PIGU: variants seen among roughly 807,000 people sequenced by gnomAD.
PIGU encodes GPI-anchor transamidase component PIGU.
Under a neutral mutation model 49.9 loss-of-function variants are expected in PIGU, and 24 were observed. The observed-to-expected ratio is 0.48, with a 90% CI of 0.35 to 0.68. The LOEUF (loss-of-function observed/expected upper bound fraction) is 0.68. Among genes scored for constraint, PIGU ranks in the 30% least tolerant of loss-of-function variants. The pLI is 0.01. For missense variants in PIGU, 490 were observed against 532.6 expected (o/e 0.92, Z 0.79); for synonymous variants, 220 against 205.7 (o/e 1.07, Z -0.59).
intron 9 of PIGU, among the ~76,000 whole-genome samples, chr20:34,582,885 G>A (rs6087602): frequency 0.83 from 126,482 of 151,886 alleles, 52,931 homozygotes; most frequent in Admixed American, 0.91. Context: ...GCTCAATCTC[G>A]GTGCCCCTCC....
chr20:34,574,965 G>A (rs2146699392), intron 11 of PIGU, 139 bp downstream of exon 11: 1 of 1,148,694 alleles, frequency 8.7e-7, no homozygotes. Context: ...CTCACTGACT[G>A]GGAGCTACTT....
At chr20:34,652,526 T>C (rs1986573467) in intron 2 of PIGU, among the ~76,000 whole-genome samples, 1 of 152,222 alleles carries the variant, frequency 6.6e-6, no homozygotes, top group South Asian at 2.1e-4. Context: ...ATTTTATCTT[T>C]TCCTAGTTTC....
In PIGU at chr20:34,657,240, A is replaced by G; in HGVS notation, c.135T>C (p.Val45=). 6.2e-7 allele frequency: 1 copy of G among 1,611,704 alleles called. No individual in the cohort carries two copies. Among genetic ancestry groups the G allele is most frequent in the Non-Finnish European group, 8.5e-7 (1 of 1,177,836 alleles). Residue 45 remains valine (V), a synonymous_variant, in exon 2 of 12, where the codon GTT becomes GTC. Coordinates refer to ENST00000217446, the MANE Select transcript of PIGU (RefSeq NM_080476.5). ...CCAAGTCCAACAGTGAAAGGCCTTC[A>G]ACCACTGAAAAATTAGATATACAAG... is the stretch of plus-strand genomic sequence containing the variant. ...VSPLSSWKRV[V]EGLSLLDLGV...
chr20:34,573,229 A>C (rs1477806852), intron 11 of PIGU, among the ~76,000 whole-genome samples: 4 of 152,152 alleles, frequency 2.6e-5, no homozygotes, highest in Non-Finnish European at 5.9e-5. Flanking sequence ...GATTTAAAAT[A>C]CATTTTAAAA....
In PIGU at chr20:34,638,129, G is replaced by A. The variant is rs753594998; in HGVS notation, c.319-144C>T. On this transcript the variant is annotated intron_variant, in intron 4 of 11. Transcript: ENST00000217446. ...ACCTCTCCAGGCTCATCTCACACTCGGCCCTCCCCATCCCCTTTCTGGGTT... is the reference window on the plus strand; with the variant it reads ...ACCTCTCCAGGCTCATCTCACACTCAGCCCTCCCCATCCCCTTTCTGGGTT... The A allele has an allele frequency of 1.6e-5, 22 of 1,336,028 alleles. No homozygotes were observed. The Admixed American group carries it at 4.8e-4, about 29-fold the overall frequency. 82.8% of individuals were successfully genotyped at this position (1,336,028 alleles called of 1,614,324 possible).
Position 34,645,304 on chromosome 20 carries a change from G to T in PIGU, c.226C>A (p.Leu76Ile). 1 of 1,577,514 alleles carries T rather than the reference G, an allele frequency of 6.3e-7. No homozygotes were observed. Among genetic ancestry groups the T allele is most frequent in the East Asian group, 2.3e-5 (1 of 43,432 alleles). ...AACACCAATTCAGCATAGTCAATTAGGAAATGAAAGAGGTATATTATTAAT... is the reference window on the plus strand; with the variant it reads ...AACACCAATTCAGCATAGTCAATTATGAAATGAAAGAGGTATATTATTAAT... ...TPLIIYLFHF[L>I]IDYAELVFMI... Residue 76 changes from leucine to isoleucine, a missense_variant, in exon 3 of 12, where the codon CTA becomes ATA. Transcript: ENST00000217446.
At chr20:34,647,096 G>A (rs1395497374) in intron 2 of PIGU, among the ~76,000 whole-genome samples, 6 of 152,124 alleles carry the variant, frequency 3.9e-5, no homozygotes, top group Non-Finnish European at 7.4e-5. Flanking sequence ...TCCGCCTCCC[G>A]GGTTCAAGCG....
intron 6 of PIGU, among the ~76,000 whole-genome samples, chr20:34,619,118 G>A (rs1985114267): frequency 1.3e-5 from 2 of 152,354 alleles, no homozygotes; most frequent in South Asian, 2.1e-4. Context: ...CAGAGAAAGA[G>A]AGAAGCTAGA....
intron 1 of PIGU, among the ~76,000 whole-genome samples, chr20:34,660,295 A>G (rs1013807567): frequency 3.9e-5 from 6 of 152,158 alleles, no homozygotes; most frequent in Admixed American, 1.3e-4. Flanking sequence ...AAGGGGAAAA[A>G]TAAAATTTTA....
At chr20:34,645,917 T>A (rs941204865) in intron 2 of PIGU, among the ~76,000 whole-genome samples, 1 of 151,530 alleles carries the variant, frequency 6.6e-6, no homozygotes, top group Non-Finnish European at 1.5e-5. Flanking sequence ...AATAAATAAA[T>A]AAAAAATATA....
chr20:34,586,273 T>C (rs1441580138), intron 8 of PIGU, among the ~76,000 whole-genome samples: 2 of 152,136 alleles, frequency 1.3e-5, no homozygotes, highest in Non-Finnish European at 2.9e-5. Flanking sequence ...GGACAACAAA[T>C]AGGGCACGCA....
intron 1 of PIGU, 75 bp from the exon 2 acceptor site, chr20:34,657,319 C>A: frequency 9.5e-7 from 1 of 1,054,928 alleles, no homozygotes; most frequent in Admixed American, 1.9e-5. Flanking sequence ...ACCCCCACAA[C>A]CAAAAAGGGC....
rs1202444162 is a variant in PIGU, at chr20:34,656,314, G to A, written c.195+866C>T. On this transcript the variant is annotated intron_variant, in intron 2 of 11. Transcript: ENST00000217446. ...TTTTTTTTTTTTGAGACGGAGTCTC[G>A]CTCTGTCACCCAGGCTGGAGTGCAG... Among the ~76,000 whole-genome samples, 5 of 84,236 alleles carry A rather than the reference G, an allele frequency of 5.9e-5. No individual in the cohort carries two copies. The South Asian group carries it at 1.3e-3, about 22-fold the overall frequency. 55.3% of individuals were successfully genotyped at this position (84,236 alleles called of 152,430 possible).
At chr20:34,567,004 C>A (rs533680212) in intron 11 of PIGU, among the ~76,000 whole-genome samples, 24 of 152,346 alleles carry the variant, frequency 1.6e-4, no homozygotes, top group Non-Finnish European at 2.9e-4. Flanking sequence ...TGTCCACCAC[C>A]AGGGCTGCAG....
intron 6 of PIGU, among the ~76,000 whole-genome samples, chr20:34,625,074 G>GA (rs1243227960): frequency 1.3e-5 from 2 of 151,240 alleles, no homozygotes; most frequent in African/African-American, 2.4e-5. Context: ...AGAAACTTTG[G>GA]AAAAAAAACA....
intron 5 of PIGU, among the ~76,000 whole-genome samples, chr20:34,635,303 C>T (rs1164547055): frequency 2.0e-5 from 3 of 152,194 alleles, no homozygotes; most frequent in East Asian, 1.9e-4. Flanking sequence ...TTAGATGTAG[C>T]CTTCTTGGCA....
chr20:34,619,474 T>A (rs1381912086), intron 6 of PIGU, among the ~76,000 whole-genome samples: 1 of 152,178 alleles, frequency 6.6e-6, no homozygotes, highest in African/African-American at 2.4e-5. Context: ...GAAAATAACT[T>A]TTTAACTTAA....
At position 34,677,063 on chromosome 20, in the gene PIGU, A is replaced by T; in HGVS notation, c.23T>A (p.Val8Glu). 6.4e-7 allele frequency: 1 copy of T among 1,567,516 alleles called. No individual in the cohort carries two copies. The highest frequency in any genetic ancestry group is 1.2e-5 in the South Asian group (1 of 85,444). The change falls in exon 1 of 12, where the codon GTG becomes GAG. Residue 8 changes from valine (V) to glutamate (E), a missense_variant. Transcript: ENST00000217446. Reference sequence around the variant, plus strand: ...CCGCACTGTCACAGCCACCACCAGCACCAGGACCAAGGGAGCCGCCATGAT... The same window carrying T: ...CCGCACTGTCACAGCCACCACCAGCTCCAGGACCAAGGGAGCCGCCATGAT... Reference protein sequence around the residue: MAAPLVLVLVVAVTVRAA... With the variant: MAAPLVLELVVAVTVRAA...
At chr20:34,569,180 G>T (rs1165071760) in intron 11 of PIGU, among the ~76,000 whole-genome samples, 1 of 151,252 alleles carries the variant, frequency 6.6e-6, no homozygotes, top group African/African-American at 2.4e-5. Flanking sequence ...CCCCAGCCTG[G>T]GCAACAGAGC....
Sources: allele counts gnomAD v4.1 joint callset (sites outside exome capture counted in the v4.1 genomes callset), GRCh38; gene constraint gnomAD v4.1.1; transcripts MANE v1.5; gene names NCBI Gene and HGNC (gene_info 2026-07-23, HGNC 2026-07-21).